The following CCDC7 variants were observed in gnomAD, a reference collection of about 807,000 sequenced individuals.
CCDC7 encodes coiled-coil domain-containing protein 7.
In CCDC7, 183 loss-of-function variants were observed where a neutral mutation model predicts 196.9. The observed-to-expected ratio is 0.93, with a 90% CI of 0.82 to 1.05. CCDC7 has a LOEUF of 1.05. Among genes scored for constraint, CCDC7 ranks in the 50% least tolerant of loss-of-function variants. The pLI is 0.00. For synonymous variants in CCDC7, 525 were observed against 484.6 expected, an observed-to-expected ratio of 1.08 and a Z score of -1.10; for missense variants, 1,540 against 1,482.2, an observed-to-expected ratio of 1.04 and a Z score of -0.64.
In CCDC7 at chr10:32,579,948, C is replaced by G. The variant is rs189327000; in HGVS notation, c.1455-3086C>G. Reference sequence around the variant, plus strand: ...ACATACACGAGTCACATACCACTAGCTACACATAACAAGGTTTATTGAGAA... The same window carrying G: ...ACATACACGAGTCACATACCACTAGGTACACATAACAAGGTTTATTGAGAA... On this transcript the variant is annotated intron_variant, in intron 16 of 41. Coordinates refer to ENST00000639629, the Ensembl canonical transcript of CCDC7. Among the ~76,000 whole-genome samples, 132 of 151,990 alleles carry G rather than the reference C, an allele frequency of 8.7e-4. 1 individual carries two copies. The highest frequency in any genetic ancestry group is 3.1e-3 in the African/African-American group (130 of 41,468).
chr10:32,645,686 A>G (rs1263053049), intron 20 of CCDC7, among the ~76,000 whole-genome samples: 1 of 151,730 alleles, frequency 6.6e-6, no homozygotes, highest in African/African-American at 2.4e-5. Context: ...TTTGATGGAA[A>G]GCTTCTAATT....
At chr10:32,490,411 A>G (rs549829919) in intron 8 of CCDC7, among the ~76,000 whole-genome samples, 63 of 152,340 alleles carry the variant, frequency 4.1e-4, no homozygotes, top group Admixed American at 6.5e-4. Context: ...TTGTGGCTGA[A>G]ATAATAGTTG....
intron 11 of CCDC7, among the ~76,000 whole-genome samples, chr10:32,530,235 T>C (rs2135855714): frequency 6.6e-6 from 1 of 152,294 alleles, no homozygotes; most frequent in East Asian, 1.9e-4. Context: ...TTTTGCTTAG[T>C]CTTGCTTTGG....
intron 11 of CCDC7, among the ~76,000 whole-genome samples, chr10:32,542,456 A>G (rs2051615321): frequency 2.0e-5 from 3 of 152,002 alleles, no homozygotes. Context: ...AATATGGTGA[A>G]ATCCTGTCTC....
chr10:32,849,919 G>T lies in CCDC7; in HGVS notation c.3895+1201G>T, dbSNP rs76186530. Among the ~76,000 whole-genome samples the T allele has an allele frequency of 8.4e-3, 1,285 of 152,146 alleles. 7 individuals are homozygous for T. Among genetic ancestry groups the T allele is most frequent in the Middle Eastern group, 0.02 (6 of 294 alleles). The stretch of plus-strand genomic sequence containing the variant: ...GATGCTAGTGTCCCTGATTCTGCAG[G>T]GGGGAACTTGGATCCCTACTTCTGA... On this transcript the variant is annotated intron_variant, in intron 39 of 41. Coordinates refer to ENST00000639629, the Ensembl canonical transcript of CCDC7.
At chr10:32,650,640 C>T (rs1055429799) in intron 20 of CCDC7, among the ~76,000 whole-genome samples, 1 of 152,180 alleles carries the variant, frequency 6.6e-6, no homozygotes, top group Non-Finnish European at 1.5e-5. Flanking sequence ...CTGTACCACT[C>T]AGGACTCTCA....
intron 8 of CCDC7, among the ~76,000 whole-genome samples, chr10:32,475,525 A>G (rs530633596): frequency 6.6e-6 from 1 of 152,338 alleles, no homozygotes; most frequent in South Asian, 2.1e-4. Context: ...AGGATAAAAT[A>G]TAGTTGAGAT....
intron 40 of CCDC7, among the ~76,000 whole-genome samples, chr10:32,854,194 T>A (rs1271204345): frequency 6.6e-6 from 1 of 152,142 alleles, no homozygotes. Flanking sequence ...TGTACTCTTA[T>A]AATGCACTCT....
intron 18 of CCDC7, among the ~76,000 whole-genome samples, chr10:32,632,952 T>A (rs1320887688): frequency 6.6e-6 from 1 of 152,208 alleles, no homozygotes. Flanking sequence ...AGACTTCCAG[T>A]GAGCTCTACT....
chr10:32,822,775 T>G (rs2090475748), intron 31 of CCDC7, among the ~76,000 whole-genome samples: 1 of 152,142 alleles, frequency 6.6e-6, no homozygotes, highest in Non-Finnish European at 1.5e-5. Flanking sequence ...ATAGTATGGT[T>G]TAAAAATATA....
chr10:32,595,653 C>T (rs1245719456), intron 18 of CCDC7, among the ~76,000 whole-genome samples: 1 of 152,178 alleles, frequency 6.6e-6, no homozygotes, highest in African/African-American at 2.4e-5. Context: ...CATTTTAGAT[C>T]TCTGCTGCTT....
At chr10:32,629,676 G>A (rs542002354) in intron 18 of CCDC7, among the ~76,000 whole-genome samples, 1 of 152,256 alleles carries the variant, frequency 6.6e-6, no homozygotes, top group Non-Finnish European at 1.5e-5. Flanking sequence ...AGAAGGTGCA[G>A]GGAGTAGGCA....
At chr10:32,681,747 ACAC>A (rs2075885734) in intron 21 of CCDC7, among the ~76,000 whole-genome samples, 4 of 110,098 alleles carry the variant, frequency 3.6e-5, no homozygotes, top group African/African-American at 1.1e-4. Flanking sequence ...ATACACACAC[ACAC>A]ACACACACAC....
intron 21 of CCDC7, among the ~76,000 whole-genome samples, chr10:32,664,390 C>A (rs2072190495): frequency 6.6e-6 from 1 of 151,846 alleles, no homozygotes; most frequent in Non-Finnish European, 1.5e-5. Context: ...TTTCTCTTAG[C>A]AATTTTGCAA....
intron 23 of CCDC7, among the ~76,000 whole-genome samples, chr10:32,690,367 A>G (rs938952301): frequency 5.3e-5 from 8 of 152,188 alleles, no homozygotes; most frequent in African/African-American, 1.7e-4. Context: ...GATATTAGTT[A>G]TGTTTTCCAA....
chr10:32,527,615 G>A (rs2048878703), intron 11 of CCDC7, among the ~76,000 whole-genome samples: 2 of 152,154 alleles, frequency 1.3e-5, no homozygotes, highest in South Asian at 4.1e-4. Context: ...ATATAAATGT[G>A]AAATGTAGTC....
intron 16 of CCDC7, chr10:32,574,321 TATA>T (rs1042145816): frequency 2.2e-4 from 117 of 522,516 alleles, no homozygotes; most frequent in African/African-American, 2.2e-3. Context: ...TATATAATAA[TATA>T]ATATATTACA....
intron 20 of CCDC7, among the ~76,000 whole-genome samples, chr10:32,642,171 C>A (rs2066925779): frequency 6.6e-6 from 1 of 152,212 alleles, no homozygotes; most frequent in Non-Finnish European, 1.5e-5. Context: ...CTACTCTCTT[C>A]AAAGCTGTCA....
chr10:32,714,129 A>T (rs1413966241), intron 25 of CCDC7, among the ~76,000 whole-genome samples: 1 of 152,222 alleles, frequency 6.6e-6, no homozygotes, highest in African/African-American at 2.4e-5. Flanking sequence ...AAATAGGAAC[A>T]GCTCCAGTCT....
Sources: allele counts gnomAD v4.1 joint callset (sites outside exome capture counted in the v4.1 genomes callset), GRCh38; gene constraint gnomAD v4.1.1; transcripts MANE v1.5; gene names NCBI Gene and HGNC (gene_info 2026-07-23, HGNC 2026-07-21).